KLF17: variants seen among roughly 807,000 people sequenced by gnomAD.
The protein encoded by KLF17 is KLF transcription factor 17.
In KLF17, 31 loss-of-function variants were observed where a neutral mutation model predicts 34.2. That is an observed-to-expected ratio of 0.91 (90% confidence interval 0.68 to 1.22). The LOEUF (loss-of-function observed/expected upper bound fraction) is 1.22. KLF17 is among the 50% of genes most tolerant of loss of function. KLF17 has a pLI of 0.00. For missense variants in KLF17, 478 were observed against 505.2 expected, an observed-to-expected ratio of 0.95 and a Z score of 0.52; for synonymous variants, 179 against 186.7, an observed-to-expected ratio of 0.96 and a Z score of 0.34.
At chr1:44,059,505 G>A in the KLF17 span, among the ~76,000 whole-genome samples, 1 of 151,988 alleles carries the variant, frequency 6.6e-6, no homozygotes, top group Non-Finnish European at 1.5e-5. Context: ...ATATTCCCAG[G>A]GTGCACAGTT....
the KLF17 span, among the ~76,000 whole-genome samples, chr1:44,109,719 T>G: frequency 6.6e-6 from 1 of 152,114 alleles, no homozygotes; most frequent in Non-Finnish European, 1.5e-5. Flanking sequence ...TCCAACTTTA[T>G]CAATCACCCT....
At chr1:44,088,833 TAGG>T in the KLF17 span, among the ~76,000 whole-genome samples, 1,102 of 151,970 alleles carry the variant, frequency 7.3e-3, 11 homozygotes, top group African/African-American at 0.026. Flanking sequence ...GAGCTGAAAA[TAGG>T]AGGAGCTGAT....
chr1:44,068,779 G>C, the KLF17 span, among the ~76,000 whole-genome samples: 1 of 152,196 alleles, frequency 6.6e-6, no homozygotes. Context: ...CTTGTGGAGA[G>C]TTTAGACACT....
chr1:44,095,938 G>GTTTGT, the KLF17 span, among the ~76,000 whole-genome samples: 3 of 151,688 alleles, frequency 2.0e-5, no homozygotes, highest in Non-Finnish European at 4.4e-5. Flanking sequence ...TTTTTTGTTT[G>GTTTGT]TTTGTTTTGT....
chr1:44,049,391 C>T, the KLF17 span, among the ~76,000 whole-genome samples: 1 of 152,194 alleles, frequency 6.6e-6, no homozygotes, highest in Non-Finnish European at 1.5e-5. Flanking sequence ...CAATCCCAGC[C>T]CTCTGCCCTC....
chr1:44,103,926 A>G, the KLF17 span: 1 of 845,594 alleles, frequency 1.2e-6, no homozygotes, highest in Non-Finnish European at 2.1e-6. Context: ...CTCATACTTG[A>G]TCTGGTACAT....
At chr1:44,125,513 T>C (rs956159706) in intron 1 of KLF17, among the ~76,000 whole-genome samples, 3 of 152,300 alleles carry the variant, frequency 2.0e-5, no homozygotes, top group Middle Eastern at 3.4e-3. Flanking sequence ...GGTCTCACTC[T>C]CTGGAATGCA....
chr1:44,094,668 T>A, the KLF17 span, among the ~76,000 whole-genome samples: 2 of 152,246 alleles, frequency 1.3e-5, no homozygotes, highest in African/African-American at 4.8e-5. Context: ...TTAATTTTAT[T>A]TCTGGGTTCT....
the KLF17 span, among the ~76,000 whole-genome samples, chr1:44,077,737 A>G: frequency 6.6e-6 from 1 of 152,206 alleles, no homozygotes; most frequent in African/African-American, 2.4e-5. Flanking sequence ...ACACAGTCAG[A>G]ATTCTTACAT....
chr1:44,103,193 G>T, the KLF17 span: 1 of 612,344 alleles, frequency 1.6e-6, no homozygotes, highest in Non-Finnish European at 2.9e-6. Context: ...TGAGGGCTAG[G>T]GCTGAGCCTC....
rs1373684366 is a variant in KLF17, at chr1:44,134,252, C to G, written c.*1015C>G. The G allele has an allele frequency of 6.6e-6, 1 of 152,210 alleles. No individual in the cohort carries two copies. The highest frequency in any genetic ancestry group is 1.5e-5 in the Non-Finnish European group (1 of 68,082). The allele number at this position is 152,210 out of a possible 1,614,324, so 9.4% of individuals were successfully genotyped here. Reference sequence around the variant, plus strand: ...GTTACTAGAAGTACACAAATTGGGCCCGGCGCGATGGCTCACGCCTGTAAT... The same window carrying G: ...GTTACTAGAAGTACACAAATTGGGCGCGGCGCGATGGCTCACGCCTGTAAT... On this transcript the variant is annotated 3_prime_UTR_variant, in exon 4 of 4. Transcript: ENST00000372299.
chr1:44,069,626 A>G, the KLF17 span, among the ~76,000 whole-genome samples: 1 of 152,108 alleles, frequency 6.6e-6, no homozygotes. This position sits in a 1 kb window ranked among gnomAD's most constrained non-coding sequence, Gnocchi z 4.7. Flanking sequence ...CGCCTCCGGG[A>G]CCTAAACACC....
At chr1:44,053,341 G>T in the KLF17 span, among the ~76,000 whole-genome samples, 1 of 152,164 alleles carries the variant, frequency 6.6e-6, no homozygotes, top group East Asian at 1.9e-4. Flanking sequence ...GAACATGTCT[G>T]GCTTATGATA....
intron 3 of KLF17, among the ~76,000 whole-genome samples, chr1:44,130,985 C>T (rs1212629774): frequency 7.2e-5 from 11 of 152,038 alleles, no homozygotes; most frequent in Non-Finnish European, 8.8e-5. Flanking sequence ...TTAGTAGAGA[C>T]GGGGTTTCAC....
chr1:44,115,197 C>T (rs1571979795), upstream of KLF17: 1 of 152,056 alleles, frequency 6.6e-6, no homozygotes, highest in Non-Finnish European at 1.5e-5. Flanking sequence ...AATCCCAACA[C>T]TTTGGGATGC....
chr1:44,119,061 A>G (rs1022775843), intron 1 of KLF17, 73 bp downstream of exon 1: 91 of 1,134,738 alleles, frequency 8.0e-5, no homozygotes, highest in Non-Finnish European at 1.0e-4. Flanking sequence ...GAGGCCTTGG[A>G]GGAGAGGTGA....
chr1:44,083,523 G>A, the KLF17 span, among the ~76,000 whole-genome samples: 3 of 152,104 alleles, frequency 2.0e-5, no homozygotes, highest in South Asian at 2.1e-4. Flanking sequence ...AGAGCCAGGC[G>A]CGGTGGCTCA....
chr1:44,122,801 G>A (rs910229296), intron 1 of KLF17, among the ~76,000 whole-genome samples: 8 of 152,112 alleles, frequency 5.3e-5, no homozygotes. Flanking sequence ...GTTTTGCCAT[G>A]TTGGCCAGGC....
chr1:44,053,957 A>ATTACTAGACAGGTTC, the KLF17 span, among the ~76,000 whole-genome samples: 2 of 152,178 alleles, frequency 1.3e-5, no homozygotes, highest in African/African-American at 4.8e-5. Context: ...TCTCAATTGG[A>ATTACTAGACAGGTTC]TTACTAGACA....
Sources: allele counts gnomAD v4.1 joint callset (sites outside exome capture counted in the v4.1 genomes callset), GRCh38; gene constraint gnomAD v4.1.1; non-coding constraint Gnocchi (gnomAD v3.1); transcripts MANE v1.5; gene names NCBI Gene and HGNC (gene_info 2026-07-23, HGNC 2026-07-21).